ZNF609: variants seen among roughly 807,000 people sequenced by gnomAD.
The protein encoded by ZNF609 is zinc finger protein 609.
Under a neutral mutation model 109.5 loss-of-function variants are expected in ZNF609, and 11 were observed. That is an observed-to-expected ratio of 0.10 (90% CI 0.06 to 0.17). The LOEUF (loss-of-function observed/expected upper bound fraction) is 0.17, where lower values mean the gene tolerates loss of function less well. Ranked by LOEUF, ZNF609 falls within the 10% of genes least tolerant of loss-of-function variation. The pLI, the probability that ZNF609 is intolerant of heterozygous loss-of-function variation, is 1.00. For missense variants in ZNF609, 1,559 were observed against 1,772.4 expected (o/e 0.88, Z 2.16); for synonymous variants, 646 against 662.0 (o/e 0.98, Z 0.37).
At chr15:64,668,051 A>G (rs913356492) in intron 3 of ZNF609, among the ~76,000 whole-genome samples, 1 of 152,254 alleles carries the variant, frequency 6.6e-6, no homozygotes, top group African/African-American at 2.4e-5. Flanking sequence ...GGCATAGGCC[A>G]TTTGAAGACC....
intron 3 of ZNF609, among the ~76,000 whole-genome samples, chr15:64,636,320 A>G (rs956121810): frequency 1.3e-5 from 2 of 152,150 alleles, no homozygotes; most frequent in East Asian, 1.9e-4. Flanking sequence ...CCTTCTCCAT[A>G]GCAACAAGCT....
intron 3 of ZNF609, among the ~76,000 whole-genome samples, chr15:64,655,273 G>A (rs1168151052): frequency 4.0e-5 from 6 of 151,190 alleles, no homozygotes; most frequent in Non-Finnish European, 7.4e-5. Flanking sequence ...GAGAAACCCC[G>A]TGTCTGCTAA....
At chr15:64,608,732 T>TG (rs1010548042) in intron 2 of ZNF609, among the ~76,000 whole-genome samples, 12 of 151,430 alleles carry the variant, frequency 7.9e-5, no homozygotes, top group African/African-American at 2.9e-4. Flanking sequence ...TGCGTGTGTG[T>TG]GTGTGTGTGT....
At chr15:64,477,285 C>T (rs369649448) in intron 1 of ZNF609, among the ~76,000 whole-genome samples, 8 of 151,536 alleles carry the variant, frequency 5.3e-5, no homozygotes, top group South Asian at 2.1e-4. Flanking sequence ...GGACTACAGG[C>T]GCCTGCCCCC....
chr15:64,516,390 GAGAC>G (rs201889500), intron 2 of ZNF609, among the ~76,000 whole-genome samples: 1,975 of 152,186 alleles, frequency 0.013, 33 homozygotes, highest in African/African-American at 0.046. Context: ...GCTTTGTTTT[GAGAC>G]AGAGTCTTGC....
intron 2 of ZNF609, among the ~76,000 whole-genome samples, chr15:64,507,486 G>T (rs1893654079): frequency 6.6e-6 from 1 of 152,162 alleles, no homozygotes; most frequent in African/African-American, 2.4e-5. Flanking sequence ...ACAGGGCTGT[G>T]TTCAGAGGCC....
intron 1 of ZNF609, among the ~76,000 whole-genome samples, chr15:64,487,853 C>G (rs1893353674): frequency 6.6e-6 from 1 of 152,112 alleles, no homozygotes; most frequent in Non-Finnish European, 1.5e-5. Flanking sequence ...CCAGGCTGGT[C>G]TTGAACTCCT....
Position 64,525,070 on chromosome 15 carries a change from T to C in ZNF609, c.747+24904T>C, listed in dbSNP as rs896398382. Reference sequence around the variant, plus strand: ...TGACTTGGATTTCTTTAATGACTAATGATTCAGAACATCTTTTCATGTGCT... The same window carrying C: ...TGACTTGGATTTCTTTAATGACTAACGATTCAGAACATCTTTTCATGTGCT... On this transcript the variant is annotated intron_variant, in intron 2 of 9. Transcript: ENST00000326648. Among the ~76,000 whole-genome samples the C allele has an allele frequency of 3.5e-4, 53 of 152,244 alleles. 1 individual carries two copies. The highest frequency in any genetic ancestry group is 1.0e-3 in the South Asian group (5 of 4,838).
chr15:64,507,205 A>AGTAGTGCT (rs1262522620), intron 2 of ZNF609, among the ~76,000 whole-genome samples: 1 of 152,130 alleles, frequency 6.6e-6, no homozygotes, highest in East Asian at 1.9e-4. Flanking sequence ...CGGACACTGG[A>AGTAGTGCT]GTAGTGCTAA....
chr15:64,539,077 C>T (rs1894201968), intron 2 of ZNF609, among the ~76,000 whole-genome samples: 1 of 152,058 alleles, frequency 6.6e-6, no homozygotes, highest in East Asian at 1.9e-4. Context: ...GATCTTGGCT[C>T]ACTGCAACCT....
At chr15:64,672,352 C>T (rs1266611666) in intron 4 of ZNF609, among the ~76,000 whole-genome samples, 1 of 148,410 alleles carries the variant, frequency 6.7e-6, no homozygotes, top group East Asian at 2.1e-4. Context: ...AGGCTGGGTG[C>T]GGTGGCTAAC....
intron 2 of ZNF609, among the ~76,000 whole-genome samples, chr15:64,608,721 A>ATG (rs1173678016): frequency 1.1e-5 from 1 of 90,470 alleles, no homozygotes; most frequent in Non-Finnish European, 2.6e-5. Flanking sequence ...GTATGCATGC[A>ATG]TGCGTGTGTG....
intron 1 of ZNF609, among the ~76,000 whole-genome samples, chr15:64,488,016 C>A (rs756376914): frequency 6.6e-6 from 1 of 152,018 alleles, no homozygotes; most frequent in African/African-American, 2.4e-5. Flanking sequence ...TAAATATATA[C>A]CTGGGGGCTC....
chr15:64,636,913 C>G (rs1470821248), intron 3 of ZNF609, among the ~76,000 whole-genome samples: 1 of 152,180 alleles, frequency 6.6e-6, no homozygotes, highest in African/African-American at 2.4e-5. Flanking sequence ...ATTAATAAGT[C>G]TTACTGAAAA....
chr15:64,462,846 G>A (rs1454355918), intron 1 of ZNF609, among the ~76,000 whole-genome samples: 1 of 152,200 alleles, frequency 6.6e-6, no homozygotes, highest in Non-Finnish European at 1.5e-5. Flanking sequence ...TTGAAAAAAT[G>A]TATGGGTCTT....
At chr15:64,464,895 C>T (rs1892990173) in intron 1 of ZNF609, among the ~76,000 whole-genome samples, 1 of 152,136 alleles carries the variant, frequency 6.6e-6, no homozygotes, top group African/African-American at 2.4e-5. Flanking sequence ...CTTGGTCTTC[C>T]GTGGGTTAGA....
chr15:64,581,011 A>T (rs544100357), intron 2 of ZNF609, among the ~76,000 whole-genome samples: 4 of 60,530 alleles, frequency 6.6e-5, no homozygotes, highest in African/African-American at 2.4e-4. Context: ...TTGCCCAGAC[A>T]ATTTTATTTT....
At chr15:64,492,922 A>G (rs1340884174) in intron 1 of ZNF609, among the ~76,000 whole-genome samples, 3 of 152,196 alleles carry the variant, frequency 2.0e-5, no homozygotes, top group Non-Finnish European at 2.9e-5. Context: ...TTGGAGGGGA[A>G]TACCTAGCTA....
chr15:64,487,057 C>G (rs1241954122), intron 1 of ZNF609, among the ~76,000 whole-genome samples: 1 of 152,086 alleles, frequency 6.6e-6, no homozygotes, highest in Non-Finnish European at 1.5e-5. Context: ...GTTTGATATA[C>G]TACTATTACA....
Sources: gnomAD v4.1 joint callset for allele counts (sites outside exome capture counted in the v4.1 genomes callset) on GRCh38, gnomAD v4.1.1 for gene constraint, MANE v1.5 for transcripts, NCBI Gene and HGNC (gene_info 2026-07-23, HGNC 2026-07-21) for gene names.